Variants in GRM1 observed in about 807,000 individuals in gnomAD.
The protein encoded by GRM1 is glutamate metabotropic receptor 1.
In GRM1, 33 loss-of-function variants were observed where a neutral mutation model predicts 90.9. The observed-to-expected ratio is 0.36, with a 90% confidence interval of 0.28 to 0.49. The LOEUF is 0.49. Ranked by LOEUF, GRM1 falls within the 20% of genes least tolerant of loss-of-function variation. The probability of loss-of-function intolerance (pLI) is 0.99; values close to 1 mark genes in which losing one functional copy is unlikely to be tolerated. For missense variants in GRM1, 1,190 were observed against 1,534.3 expected (o/e 0.78, Z 3.75); for synonymous variants, 700 against 613.2 (o/e 1.14, Z -2.09).
intron 2 of GRM1, among the ~76,000 whole-genome samples, chr6:146,189,349 C>A (rs970602447): frequency 3.9e-5 from 6 of 152,182 alleles, no homozygotes; most frequent in African/African-American, 9.6e-5. Context: ...CTGGGTTAAG[C>A]CACTATGACA....
rs540759896 is a variant in GRM1 at position 146,420,732 on chromosome 6, G to A, written c.2661-13140G>A. Among the ~76,000 whole-genome samples, 6 of 152,222 alleles carry A rather than the reference G, an allele frequency of 3.9e-5. No individual in the cohort carries two copies. The East Asian group carries it at 5.8e-4, about 15-fold the overall frequency. On this transcript the variant is annotated intron_variant, in intron 7 of 7. Coordinates refer to ENST00000282753, the MANE Select transcript of GRM1 (RefSeq NM_001278064.2). Reference sequence around the variant, plus strand: ...AACCAAGTCAGTATTCTTAACATTGGTAAATAAAGGAAAAGAATCATCTAT... The same window carrying A: ...AACCAAGTCAGTATTCTTAACATTGATAAATAAAGGAAAAGAATCATCTAT...
intron 2 of GRM1, among the ~76,000 whole-genome samples, chr6:146,278,618 A>G (rs868062058): frequency 5.9e-5 from 9 of 152,210 alleles, no homozygotes; most frequent in Middle Eastern, 3.4e-3. Context: ...TCTACTAAAA[A>G]TACAAAAATA....
At chr6:146,054,586 C>G (rs1002673027) in intron 1 of GRM1, among the ~76,000 whole-genome samples, 1 of 151,924 alleles carries the variant, frequency 6.6e-6, no homozygotes, top group Non-Finnish European at 1.5e-5. Context: ...TTCAGCCTAA[C>G]ATAGTTTATG....
intron 2 of GRM1, among the ~76,000 whole-genome samples, chr6:146,163,543 G>T (rs986935900): frequency 1.3e-5 from 2 of 152,186 alleles, no homozygotes; most frequent in African/African-American, 4.8e-5. Context: ...CAGTGCCAGT[G>T]CTGGGATTTG....
chr6:146,338,648 T>C (rs1029142187), intron 3 of GRM1, among the ~76,000 whole-genome samples: 8 of 152,236 alleles, frequency 5.3e-5, no homozygotes, highest in African/African-American at 7.2e-5. Flanking sequence ...CTTTGACTTA[T>C]TGCTTCAAAT....
chr6:146,196,246 A>G (rs1779112080), intron 2 of GRM1, among the ~76,000 whole-genome samples: 1 of 151,860 alleles, frequency 6.6e-6, no homozygotes, highest in Non-Finnish European at 1.5e-5. Context: ...TGTCATTAAC[A>G]CAAAGATAGT....
At position 146,435,269 on chromosome 6, in the gene GRM1, G is replaced by A; in HGVS notation, c.*473G>A. On this transcript the variant is annotated 3_prime_UTR_variant, in exon 8 of 8. Transcript: ENST00000282753. ...TGAGCTGGTGGAGCCAGACAGAGCA[G>A]GTGCGGGGAAGGGAAGGGCCCAGGC... The A allele has an allele frequency of 3.4e-6, 1 of 292,166 alleles. No homozygotes were observed. Among genetic ancestry groups the A allele is most frequent in the Admixed American group, 4.9e-5 (1 of 20,398 alleles). The allele number at this position is 292,166 out of a possible 1,614,324, so 18.1% of individuals were successfully genotyped here. A position where few individuals can be genotyped will look rare whatever the true frequency, so the allele number is the denominator to read the frequency against.
chr6:146,199,994 G>C (rs534072833), intron 2 of GRM1, among the ~76,000 whole-genome samples: 1 of 152,166 alleles, frequency 6.6e-6, no homozygotes, highest in Non-Finnish European at 1.5e-5. Context: ...AGGGAAGAGT[G>C]TACTACATCA....
chr6:146,173,315 G>A (rs1430768743), intron 2 of GRM1, among the ~76,000 whole-genome samples: 6 of 151,022 alleles, frequency 4.0e-5, no homozygotes, highest in Non-Finnish European at 5.9e-5. Flanking sequence ...ACTTGAACCC[G>A]GAAGGCAGAG....
Position 146,029,173 on chromosome 6 carries a change from AT to A in GRM1, c.-340del, listed in dbSNP as rs1790613818. ...CAGGTCCTCTGATGACAAGGTTGTG[AT>A]TTTTCTCTGTCTTTTGTCAGCAGCA... On this transcript the variant is annotated 5_prime_UTR_variant, in exon 1 of 8. Coordinates refer to ENST00000282753, the MANE Select transcript of GRM1 (RefSeq NM_001278064.2). 2.6e-6 allele frequency: 1 copy of A among 382,820 alleles called. No individual in the cohort carries two copies. The allele number at this position is 382,820 out of a possible 1,614,324, so 23.7% of individuals were successfully genotyped here.
chr6:146,277,158 C>G (rs1295834750), intron 2 of GRM1, among the ~76,000 whole-genome samples: 1 of 152,080 alleles, frequency 6.6e-6, no homozygotes, highest in Non-Finnish European at 1.5e-5. Context: ...AGTTTCCCAG[C>G]AAGTTTGGTG....
intron 1 of GRM1, among the ~76,000 whole-genome samples, chr6:146,158,968 C>G (rs889350021): frequency 1.3e-5 from 2 of 152,172 alleles, no homozygotes; most frequent in African/African-American, 2.4e-5. Flanking sequence ...TGCAAGTCCT[C>G]AAATAAACAG....
Position 146,311,961 on chromosome 6 carries a change from G to T in GRM1, c.1186+7115G>T, listed in dbSNP as rs1195862568. ...CATATGATTGAGAATGTTATCATTT[G>T]CTCTTGGAAAATGCAAGATCACACA... is the stretch of plus-strand genomic sequence containing the variant. On this transcript the variant is annotated intron_variant, in intron 3 of 7. Coordinates refer to ENST00000282753, the MANE Select transcript of GRM1 (RefSeq NM_001278064.2). 3.3e-5 allele frequency among the ~76,000 whole-genome samples: 5 copies of T among 151,976 alleles called. No individual in the cohort carries two copies. In the East Asian group the frequency reaches 9.6e-4, roughly 29 times the overall value.
chr6:146,236,924 C>T (rs1037334585), intron 2 of GRM1, among the ~76,000 whole-genome samples: 1 of 152,094 alleles, frequency 6.6e-6, no homozygotes. Flanking sequence ...GTGGGTCAAA[C>T]TCCCCAAGTG....
chr6:146,270,837 G>A (rs143309459), intron 2 of GRM1, among the ~76,000 whole-genome samples: 1 of 130,170 alleles, frequency 7.7e-6, no homozygotes, highest in Admixed American at 7.2e-5. Flanking sequence ...CTGCCTGCCT[G>A]CCTTTCTTTC....
chr6:146,065,946 A>G (rs994918163), intron 1 of GRM1, among the ~76,000 whole-genome samples: 6 of 152,038 alleles, frequency 3.9e-5, no homozygotes, highest in Non-Finnish European at 7.4e-5. Context: ...TCAGATTCCC[A>G]TGACTCAAAG....
chr6:146,191,716 C>CT (rs937037111), intron 2 of GRM1, among the ~76,000 whole-genome samples: 1 of 152,058 alleles, frequency 6.6e-6, no homozygotes, highest in South Asian at 2.1e-4. Context: ...AATTTCTCTT[C>CT]TTTTTTTCAG....
rs143999199 is a variant in GRM1, at chr6:146,331,907, G to T, written c.1187-20343G>T. On this transcript the variant is annotated intron_variant, in intron 3 of 7. Coordinates refer to ENST00000282753, the MANE Select transcript of GRM1 (RefSeq NM_001278064.2). ...TCAACTCATTGGTTGAAAAAAATTG[G>T]CCTTCGGAGTGAAACTATCATGTGA... Among the ~76,000 whole-genome samples the T allele has an allele frequency of 4.7e-4, 72 of 152,262 alleles. No individual in the cohort carries two copies. In the East Asian group the frequency reaches 0.013, roughly 28 times the overall value.
intron 2 of GRM1, among the ~76,000 whole-genome samples, chr6:146,274,753 T>G (rs1421997933): frequency 6.6e-6 from 1 of 152,218 alleles, no homozygotes; most frequent in Non-Finnish European, 1.5e-5. Context: ...AGAGGATAAC[T>G]TAGCTTAGCT....
Sources: gnomAD v4.1 joint callset for allele counts (sites outside exome capture counted in the v4.1 genomes callset) on GRCh38, gnomAD v4.1.1 for gene constraint, MANE v1.5 for transcripts, NCBI Gene and HGNC (gene_info 2026-07-23, HGNC 2026-07-21) for gene names.